The following AFG2A variants were observed in gnomAD, a reference collection of about 807,000 sequenced individuals.
AFG2A encodes AAA ATPase AFG2A.
chr4:122,975,134 T>G, the AFG2A span, among the ~76,000 whole-genome samples: 4 of 152,140 alleles, frequency 2.6e-5, no homozygotes, highest in African/African-American at 9.7e-5. Context: ...GAACAGAAAT[T>G]TATTTCTCAC....
chr4:123,240,310 A>C, the AFG2A span, among the ~76,000 whole-genome samples: 1 of 152,216 alleles, frequency 6.6e-6, no homozygotes. Context: ...TCTCCACCCC[A>C]AATCAACAGA....
chr4:122,936,671 CCTGT>C, the AFG2A span, among the ~76,000 whole-genome samples: 1 of 151,884 alleles, frequency 6.6e-6, no homozygotes, highest in Non-Finnish European at 1.5e-5. Flanking sequence ...ATAGTGGGAC[CCTGT>C]CTGTTTAAAA....
At chr4:123,256,618 C>A in the AFG2A span, 2 of 844,874 alleles carry the variant, frequency 2.4e-6, no homozygotes, top group Non-Finnish European at 2.8e-6. Context: ...GTATAAAGGG[C>A]AAAGCAAACA....
chr4:122,926,514 CATATA>C, the AFG2A span, among the ~76,000 whole-genome samples: 1 of 152,128 alleles, frequency 6.6e-6, no homozygotes, highest in East Asian at 1.9e-4. Context: ...ATTTGCACCT[CATATA>C]AGAAGGAAAA....
the AFG2A span, among the ~76,000 whole-genome samples, chr4:123,151,431 C>CA: frequency 6.6e-6 from 1 of 152,018 alleles, no homozygotes; most frequent in South Asian, 2.1e-4. Context: ...AAGAAAAAAA[C>CA]AAACATTCCC....
chr4:122,923,505 G>A, the AFG2A span, among the ~76,000 whole-genome samples: 1 of 152,210 alleles, frequency 6.6e-6, no homozygotes, highest in East Asian at 1.9e-4. Context: ...AAGTTAGGCT[G>A]AAATGGTTTA....
the AFG2A span, among the ~76,000 whole-genome samples, chr4:122,966,733 CT>C: frequency 6.6e-6 from 1 of 152,126 alleles, no homozygotes; most frequent in South Asian, 2.1e-4. Context: ...TTTTGTGCCA[CT>C]TTGTTCTTTC....
the AFG2A span, among the ~76,000 whole-genome samples, chr4:123,031,798 A>T: frequency 6.6e-6 from 1 of 152,202 alleles, no homozygotes; most frequent in Admixed American, 6.5e-5. Flanking sequence ...AGCTTCCTCT[A>T]TGCATCTTTT....
chr4:123,075,394 G>A, the AFG2A span, among the ~76,000 whole-genome samples: 1 of 151,546 alleles, frequency 6.6e-6, no homozygotes. Flanking sequence ...CGCCTCCCAG[G>A]TTCAAGCGAT....
chr4:123,305,966 G>T, the AFG2A span, among the ~76,000 whole-genome samples: 3 of 152,270 alleles, frequency 2.0e-5, no homozygotes, highest in Non-Finnish European at 4.4e-5. Context: ...GATTTCCCAA[G>T]GTTCAATGGT....
chr4:123,180,149 G>A, the AFG2A span, among the ~76,000 whole-genome samples: 1 of 152,116 alleles, frequency 6.6e-6, no homozygotes, highest in South Asian at 2.1e-4. Context: ...GAACCCAGGA[G>A]GCAGAGGTCA....
the AFG2A span, among the ~76,000 whole-genome samples, chr4:122,953,013 T>G: frequency 0.012 from 1,843 of 152,282 alleles, 42 homozygotes; most frequent in African/African-American, 0.041. Flanking sequence ...ACATGGCTGT[T>G]GTATGGGCTG....
At chr4:123,187,648 T>C in the AFG2A span, among the ~76,000 whole-genome samples, 1 of 152,074 alleles carries the variant, frequency 6.6e-6, no homozygotes, top group Non-Finnish European at 1.5e-5. Flanking sequence ...AAAGTGATCC[T>C]CTCTAATCCT....
the AFG2A span, among the ~76,000 whole-genome samples, chr4:122,957,135 G>A: frequency 1.3e-5 from 2 of 152,056 alleles, no homozygotes; most frequent in Admixed American, 6.6e-5. Context: ...AAGAAGGATA[G>A]GAAGAATTAG....
At chr4:123,128,242 T>C in the AFG2A span, among the ~76,000 whole-genome samples, 2 of 152,208 alleles carry the variant, frequency 1.3e-5, no homozygotes, top group Admixed American at 1.3e-4. Context: ...TTATTAACTT[T>C]TCATGCGTTT....
the AFG2A span, among the ~76,000 whole-genome samples, chr4:122,941,473 A>T: frequency 6.6e-6 from 1 of 152,236 alleles, no homozygotes; most frequent in Non-Finnish European, 1.5e-5. Context: ...TGATTTTTGT[A>T]CATTGATTTT....
the AFG2A span, among the ~76,000 whole-genome samples, chr4:123,129,113 A>G: frequency 2.0e-5 from 3 of 152,208 alleles, no homozygotes; most frequent in African/African-American, 7.2e-5. Context: ...ATTCTGAAAT[A>G]TGGAGGCTAC....
At chr4:123,272,906 G>A in the AFG2A span, among the ~76,000 whole-genome samples, 5 of 152,102 alleles carry the variant, frequency 3.3e-5, no homozygotes, top group African/African-American at 1.2e-4. Context: ...ATGTTTATAG[G>A]TTGAAGAGGG....
At chr4:122,947,299 C>G in the AFG2A span, 1 of 1,613,170 alleles carries the variant, frequency 6.2e-7, no homozygotes, top group Non-Finnish European at 8.5e-7. Flanking sequence ...GGATGCTGCT[C>G]TCCGAAGACC....
Sources: allele counts gnomAD v4.1 joint callset (sites outside exome capture counted in the v4.1 genomes callset), GRCh38; gene constraint gnomAD v4.1.1; transcripts MANE v1.5; gene names NCBI Gene and HGNC (gene_info 2026-07-23, HGNC 2026-07-21).